The following RASSF8 variants were observed in gnomAD, a reference collection of about 807,000 sequenced individuals.
RASSF8 encodes Ras association domain family member 8.
RASSF8 carries 22 observed loss-of-function variants against 48.5 expected under a neutral mutation model. The ratio of observed to expected loss-of-function variants is 0.45; its 90% CI spans 0.32 to 0.65. The LOEUF is 0.65. Ranked by LOEUF, RASSF8 falls within the 30% of genes least tolerant of loss-of-function variation. RASSF8 has a pLI of 0.03. For missense variants in RASSF8, 418 were observed against 489.2 expected (o/e 0.85, Z 1.37); for synonymous variants, 127 against 171.5 (o/e 0.74, Z 2.03).
At position 26,067,744 on chromosome 12, in the gene RASSF8, C is replaced by T. The variant is rs778202614; in HGVS notation, c.1138+31C>T. 6 of 1,611,016 alleles carry T rather than the reference C, an allele frequency of 3.7e-6. No individual in the cohort carries two copies. In the East Asian group the frequency reaches 1.3e-4, roughly 36 times the overall value. On this transcript the variant is annotated intron_variant, in intron 5 of 5. Coordinates refer to ENST00000689635, the MANE Select transcript of RASSF8 (RefSeq NM_001394098.1). Reference sequence around the variant, plus strand: ...ATGTTGATAAATATGGTTTATTTTCCCTTTATTCTCACTGCTTAACTTTTT... The same window carrying T: ...ATGTTGATAAATATGGTTTATTTTCTCTTTATTCTCACTGCTTAACTTTTT...
At chr12:26,030,742 C>G (rs1943013377) in intron 2 of RASSF8, among the ~76,000 whole-genome samples, 1 of 151,362 alleles carries the variant, frequency 6.6e-6, no homozygotes, top group Admixed American at 6.6e-5. Context: ...AGATTAACTT[C>G]TGGAACAAAG....
At chr12:25,981,085 C>T (rs12320323) in intron 1 of RASSF8, among the ~76,000 whole-genome samples, 1,607 of 152,164 alleles carry the variant, frequency 0.011, 29 homozygotes, top group African/African-American at 0.031. Flanking sequence ...CTGGATTGGT[C>T]CTGGCTCACT....
At chr12:26,052,508 A>G (rs752867249) in intron 2 of RASSF8, 1 of 152,208 alleles carries the variant, frequency 6.6e-6, no homozygotes, top group African/African-American at 2.4e-5. Context: ...CACTGTTTCC[A>G]TGGAAAAATA....
intron 2 of RASSF8, among the ~76,000 whole-genome samples, chr12:26,035,609 T>C (rs529414066): frequency 6.4e-4 from 93 of 144,342 alleles, no homozygotes; most frequent in African/African-American, 2.2e-3. Context: ...CATAATTATA[T>C]ATATAATTTT....
intron 1 of RASSF8, among the ~76,000 whole-genome samples, chr12:25,985,085 G>C (rs201130502): frequency 6.6e-6 from 1 of 152,082 alleles, no homozygotes; most frequent in Non-Finnish European, 1.5e-5. Flanking sequence ...TGGTGGTTTT[G>C]ACTCCCCTGG....
chr12:26,075,163 T>G (rs1322033377), downstream of RASSF8, among the ~76,000 whole-genome samples: 1 of 152,004 alleles, frequency 6.6e-6, no homozygotes, highest in Non-Finnish European at 1.5e-5. Context: ...ACCAAACAAG[T>G]TATAGATATT....
intron 2 of RASSF8, among the ~76,000 whole-genome samples, chr12:26,046,987 CAG>C (rs1943385600): frequency 6.6e-6 from 1 of 152,098 alleles, no homozygotes; most frequent in African/African-American, 2.4e-5. Flanking sequence ...TAATTGATGG[CAG>C]AGTTCAGGGA....
chr12:26,013,052 A>T (rs1050677999), intron 2 of RASSF8, among the ~76,000 whole-genome samples: 5 of 152,110 alleles, frequency 3.3e-5, no homozygotes, highest in African/African-American at 1.2e-4. Flanking sequence ...ATAGAATCAA[A>T]ATAAAGGAGA....
intron 2 of RASSF8, among the ~76,000 whole-genome samples, chr12:26,050,018 C>T (rs1006945905): frequency 2.0e-5 from 3 of 152,054 alleles, no homozygotes; most frequent in African/African-American, 7.2e-5. Context: ...CTCCAGACCT[C>T]GTGATCTGCC....
intron 2 of RASSF8, among the ~76,000 whole-genome samples, chr12:26,039,227 C>T (rs753424049): frequency 6.6e-5 from 10 of 152,138 alleles, no homozygotes; most frequent in Non-Finnish European, 8.8e-5. Context: ...TAAGTAGATA[C>T]GACAGTCTTC....
chr12:26,020,101 G>C (rs1592274101), intron 2 of RASSF8: 1 of 152,180 alleles, frequency 6.6e-6, no homozygotes, highest in East Asian at 1.9e-4. Flanking sequence ...TAAAAATCTG[G>C]AGAAGAGGGA....
intron 2 of RASSF8, among the ~76,000 whole-genome samples, chr12:26,006,981 A>G (rs1227439320): frequency 6.6e-6 from 1 of 152,188 alleles, no homozygotes; most frequent in Non-Finnish European, 1.5e-5. Flanking sequence ...AAGATTGGGC[A>G]TCTGGTGAGG....
chr12:26,016,435 C>G (rs936352015), intron 2 of RASSF8, among the ~76,000 whole-genome samples: 1 of 152,008 alleles, frequency 6.6e-6, no homozygotes, highest in South Asian at 2.1e-4. Context: ...TGTTTTCTTG[C>G]CGTGTTACCT....
chr12:26,064,669 G>C lies in RASSF8; in HGVS notation c.275G>C (p.Ser92Thr), dbSNP rs762041147. The C allele has an allele frequency of 1.2e-6, 2 of 1,613,970 alleles. No individual in the cohort carries two copies. Among genetic ancestry groups the C allele is most frequent in the Non-Finnish European group, 1.7e-6 (2 of 1,179,996 alleles). Residue 92 changes from serine to threonine, a missense_variant, in exon 4 of 6, where the codon AGT (serine) becomes ACT (threonine). Transcript: ENST00000689635. ...CTCAGTGAGCGACCCACTTCAGACA[G>C]TGTGGCTCGAATTCCTGAAAGAACT... ...PSLSERPTSD[S>T]VARIPERTLY...
chr12:26,006,322 C>T (rs1942390929), intron 2 of RASSF8, among the ~76,000 whole-genome samples: 1 of 152,124 alleles, frequency 6.6e-6, no homozygotes, highest in Non-Finnish European at 1.5e-5. Context: ...TAATTGTATG[C>T]CCTTGAGTAC....
intron 2 of RASSF8, among the ~76,000 whole-genome samples, chr12:26,039,307 T>TG (rs778980952): frequency 4.9e-4 from 75 of 152,210 alleles, no homozygotes; most frequent in Non-Finnish European, 8.4e-4. Context: ...CTTGTGAGAC[T>TG]GGGGGGGATA....
intron 2 of RASSF8, among the ~76,000 whole-genome samples, chr12:26,050,483 GGAAAAATATGCGTCTT>G (rs765814362): frequency 1.3e-5 from 2 of 152,084 alleles, no homozygotes; most frequent in Non-Finnish European, 2.9e-5. Flanking sequence ...AATGCTGCTT[GGAAAAATATGCGTCTT>G]GACTCAAATC....
intron 1 of RASSF8, among the ~76,000 whole-genome samples, chr12:25,974,500 T>C (rs1328392151): frequency 2.2e-4 from 3 of 13,838 alleles, no homozygotes; most frequent in Non-Finnish European, 8.0e-4. Context: ...AAAATACCTT[T>C]TTTTTTTTTT....
intron 2 of RASSF8, among the ~76,000 whole-genome samples, chr12:26,010,491 C>T (rs1446059160): frequency 1.3e-5 from 2 of 152,130 alleles, no homozygotes; most frequent in African/African-American, 4.8e-5. Context: ...TATATTTGTG[C>T]CCCAGCTGCC....
Sources: gnomAD v4.1 joint callset for allele counts (sites outside exome capture counted in the v4.1 genomes callset) on GRCh38, gnomAD v4.1.1 for gene constraint, MANE v1.5 for transcripts, NCBI Gene and HGNC (gene_info 2026-07-23, HGNC 2026-07-21) for gene names.